CHD5: variants seen among roughly 807,000 people sequenced by gnomAD.
The protein encoded by CHD5 is chromodomain helicase DNA binding protein 5, also known as ATP-dependent chromatin remodeler CHD5.
A neutral mutation model predicts 230.3 loss-of-function variants in CHD5; 69 were observed. The observed-to-expected ratio is 0.30, with a 90% CI of 0.25 to 0.37. The LOEUF is 0.37. Among genes scored for constraint, CHD5 ranks in the 10% least tolerant of loss-of-function variants. The pLI is 1.00. For synonymous variants in CHD5, 1,064 were observed against 1,065.9 expected (o/e 1.00, Z 0.03); for missense variants, 1,827 against 2,622.8 (o/e 0.70, Z 6.63).
intron 33 of CHD5, among the ~76,000 whole-genome samples, chr1:6,119,352 C>T (rs1666428687): frequency 6.6e-6 from 1 of 152,152 alleles, no homozygotes; most frequent in African/African-American, 2.4e-5. Context: ...CCCACCTCGG[C>T]CTCCCAAAGT....
At chr1:6,106,192 A>T in intron 41 of CHD5, 42 bp downstream of exon 41, 2 of 1,569,040 alleles carry the variant, frequency 1.3e-6, no homozygotes, top group Middle Eastern at 1.7e-4. Flanking sequence ...GTTTGCCAGC[A>T]ATGGGGTGGC....
chr1:6,146,656 G>A lies in CHD5; in HGVS notation c.1590+9C>T, dbSNP rs1353365947. On this transcript the variant is annotated intron_variant, in intron 10 of 41. Transcript: ENST00000262450. This position sits in a 1 kb window ranked among gnomAD's most constrained non-coding sequence, Gnocchi z 5.1. ...GGGCCTTAGCACAGCCACCCTCCCG[G>A]GCACTCACCTGTAGCTCCTTCACCC... 6.2e-7 allele frequency: 1 copy of A among 1,613,640 alleles called. No individual in the cohort carries two copies. The highest frequency in any genetic ancestry group is 1.1e-5 in the South Asian group (1 of 91,062).
At chr1:6,120,731 C>T (rs976233674) in intron 33 of CHD5, among the ~76,000 whole-genome samples, 1 of 151,948 alleles carries the variant, frequency 6.6e-6, no homozygotes, top group Non-Finnish European at 1.5e-5. Flanking sequence ...GATGAAATCT[C>T]GTCTCTACTA....
In CHD5 at chr1:6,159,459, A is replaced by G. The variant is rs1402311651; in HGVS notation, c.264T>C (p.Ser88=). 6.3e-7 allele frequency: 1 copy of G among 1,592,582 alleles called. No individual in the cohort carries two copies. Among genetic ancestry groups the G allele is most frequent in the East Asian group, 2.3e-5 (1 of 44,342 alleles). ...NEEDLEEKSE[S]EGSDYSPNKK... ...TATTCGGGGAGTAGTCACTGCCTTC[A>G]CTCTCCGACTTCTCTTCCAGATCCT... Residue 88 remains serine, a synonymous_variant, in exon 3 of 42, where the codon AGT becomes AGC. Transcript: ENST00000262450.
intron 38 of CHD5, among the ~76,000 whole-genome samples, chr1:6,109,185 A>G (rs1666244927): frequency 6.6e-6 from 1 of 152,022 alleles, no homozygotes; most frequent in African/African-American, 2.4e-5. Flanking sequence ...CTTCCCTCCT[A>G]AGAGTTCTCA....
At chr1:6,166,939 G>A (rs1293397092) in intron 2 of CHD5, among the ~76,000 whole-genome samples, 3 of 152,130 alleles carry the variant, frequency 2.0e-5, no homozygotes, top group Admixed American at 6.5e-5. Flanking sequence ...CTCACAGCAC[G>A]GAGTGTCTCC....
rs1666676107 is a variant in CHD5, at chr1:6,132,638, C to G, written c.3145-890G>C. 2.0e-5 allele frequency among the ~76,000 whole-genome samples: 3 copies of G among 152,182 alleles called. 1 individual carries two copies. The highest frequency in any genetic ancestry group is 2.0e-4 in the Admixed American group (3 of 15,272). The stretch of plus-strand genomic sequence containing the variant: ...TATCTTTGTCTCTGTACATTGCATT[C>G]TGGGAAAATGCCTCAGCACCAGGTT... On this transcript the variant is annotated intron_variant, in intron 20 of 41. Transcript: ENST00000262450.
intron 3 of CHD5, among the ~76,000 whole-genome samples, chr1:6,156,101 G>T (rs1187693819): frequency 1.3e-5 from 2 of 152,236 alleles, no homozygotes; most frequent in African/African-American, 4.8e-5. Flanking sequence ...CGGGACACCA[G>T]GGCAGGACAA....
chr1:6,153,675 CA>C (rs1667039356), intron 5 of CHD5, among the ~76,000 whole-genome samples: 1 of 152,100 alleles, frequency 6.6e-6, no homozygotes, highest in African/African-American at 2.4e-5. Context: ...ACTAAAAATA[CA>C]AAAAATTAGC....
chr1:6,151,087 G>A lies in CHD5; in HGVS notation c.939C>T (p.Ser313=), dbSNP rs112932753. The A allele has an allele frequency of 1.2e-4, 196 of 1,608,936 alleles. No individual in the cohort carries two copies. Among genetic ancestry groups the A allele is most frequent in the East Asian group, 6.0e-4 (27 of 44,634 alleles). The part of the protein sequence containing the change: ...SASIHSASVR[S]ECSAALGKKS... The stretch of plus-strand genomic sequence containing the variant: ...TCTTGCCCAGGGCTGCAGAGCATTC[G>A]GAGCGCACGGAGGCACTGTGGATGC... Residue 313 remains serine (S), a synonymous_variant, in exon 7 of 42, where the codon TCC becomes TCT. Coordinates refer to ENST00000262450, the MANE Select transcript of CHD5 (RefSeq NM_015557.3).
Position 6,159,228 on chromosome 1 carries a change from C to T in CHD5, c.387+108G>A, listed in dbSNP as rs71568643. On this transcript the variant is annotated intron_variant, in intron 3 of 41. Coordinates refer to ENST00000262450, the MANE Select transcript of CHD5 (RefSeq NM_015557.3). ...GCCTGGCAACAGAGTGAGACTCCAT[C>T]ACACACACACACACACACACACACA... The T allele has an allele frequency of 4.4e-3, 267 of 61,250 alleles. No homozygotes were observed. The South Asian group carries it at 0.14, about 32-fold the overall frequency. 3.8% of individuals were successfully genotyped at this position (61,250 alleles called of 1,614,324 possible). A position where few individuals can be genotyped will look rare whatever the true frequency, so the allele number is the denominator to read the frequency against.
rs1001051054 is a variant in CHD5 at position 6,104,797 on chromosome 1, C to T, written c.*677G>A. On this transcript the variant is annotated 3_prime_UTR_variant, in exon 42 of 42. Transcript: ENST00000262450. The stretch of plus-strand genomic sequence containing the variant: ...AAGGAGAGAGCAAACACCTGGCGGC[C>T]TCCAGCCTTGGCAGGAAGGAGGGGA... 1.3e-5 allele frequency: 2 copies of T among 153,046 alleles called. No individual in the cohort carries two copies. Among genetic ancestry groups the T allele is most frequent in the African/African-American group, 4.8e-5 (2 of 41,462 alleles). 9.5% of individuals were successfully genotyped at this position (153,046 alleles called of 1,614,324 possible).
chr1:6,126,563 G>A lies in CHD5; in HGVS notation c.4078+9C>T, dbSNP rs778972508. 3.7e-5 allele frequency: 60 copies of A among 1,611,976 alleles called. No homozygotes were observed. The highest frequency in any genetic ancestry group is 4.5e-5 in the Non-Finnish European group (53 of 1,179,948). ...TGAGGGGCACCAGTCCCTCCCTCCC[G>A]GCACGCACCCTGGTCCTCCTGGGAG... On this transcript the variant is annotated intron_variant, in intron 26 of 41. Coordinates refer to ENST00000262450, the MANE Select transcript of CHD5 (RefSeq NM_015557.3). This position sits in a 1 kb window ranked among gnomAD's most constrained non-coding sequence, Gnocchi z 5.7.
Position 6,134,882 on chromosome 1 carries a change from G to C in CHD5, c.2871-23C>G. The C allele has an allele frequency of 1.8e-5, 29 of 1,613,862 alleles. No individual in the cohort carries two copies. Among genetic ancestry groups the C allele is most frequent in the Non-Finnish European group, 2.5e-5 (29 of 1,179,882 alleles). On this transcript the variant is annotated intron_variant, in intron 18 of 41. Transcript: ENST00000262450. This position sits in a 1 kb window ranked among gnomAD's most constrained non-coding sequence, Gnocchi z 6.3. ...TTCCTGCAGCAGGGCACGAGGAAAG[G>C]CAGGCTGGGTCAGACCCGCCTCCAT... is the stretch of plus-strand genomic sequence containing the variant.
Position 6,151,032 on chromosome 1 carries a change from T to G in CHD5, c.994A>C (p.Ile332Leu). 1.3e-6 allele frequency: 2 copies of G among 1,560,720 alleles called. No homozygotes were observed. The highest frequency in any genetic ancestry group is 2.4e-5 in the East Asian group (1 of 42,508). Residue 332 changes from isoleucine to leucine, a missense_variant and splice_region_variant, in exon 7 of 42, where the codon ATT (isoleucine) becomes CTT (leucine). Ile to Leu is a conservative substitution (Grantham distance 5). Transcript: ENST00000262450. The stretch of plus-strand genomic sequence containing the variant: ...GAACTCTCTGGAAGGGGAGTCATAC[T>G]CCTCTTCTTCTTGCGCCTCCTCTTG... ...KSKRRRKKKR[I>L]DDGDGYETDH...
chr1:6,168,144 C>A lies in CHD5; in HGVS notation c.207+6G>T. On this transcript the variant is annotated splice_donor_region_variant and intron_variant, in intron 2 of 41. Transcript: ENST00000262450. ...CAAGCTCGCCGGCGCAGGTGCTGCC[C>A]CTCACCTCTTTCTTCTTCCGCTTCC... The A allele has an allele frequency of 1.9e-6, 3 of 1,600,818 alleles. No homozygotes were observed. Among genetic ancestry groups the A allele is most frequent in the Non-Finnish European group, 2.6e-6 (3 of 1,170,364 alleles).
chr1:6,146,800 C>G lies in CHD5; in HGVS notation c.1455G>C (p.Met485Ile). The change falls in exon 10 of 42, where the codon ATG (methionine) becomes ATC (isoleucine). Residue 485 changes from methionine to isoleucine, a missense_variant. Coordinates refer to ENST00000262450, the MANE Select transcript of CHD5 (RefSeq NM_015557.3). The surrounding 1 kb of genome is among the most constrained non-coding windows in gnomAD (Gnocchi z 5.1). ...CCACGTCAGGCCCCGGCAGCCCCAC[C>G]ATGAAGGGGGCAGGGGGCTCCGTCC... ...WRWTEPPAPF[M>I]VGLPGPDVEP... is the part of the protein sequence containing the mutation. 1 of 1,591,990 alleles carries G rather than the reference C, an allele frequency of 6.3e-7. No individual in the cohort carries two copies. Among genetic ancestry groups the G allele is most frequent in the South Asian group, 1.1e-5 (1 of 88,090 alleles).
rs565169221 is a variant in CHD5 at position 6,138,328 on chromosome 1, G to A, written c.2437-1463C>T. Reference sequence around the variant, plus strand: ...AAAGGCAGAGGTTGCAGTGAGCCGAGATCACACCATTGCACTCCAGCCTGG... The same window carrying A: ...AAAGGCAGAGGTTGCAGTGAGCCGAAATCACACCATTGCACTCCAGCCTGG... On this transcript the variant is annotated intron_variant, in intron 15 of 41. Transcript: ENST00000262450. 1.4e-3 allele frequency among the ~76,000 whole-genome samples: 215 copies of A among 150,596 alleles called. 2 individuals are homozygous for A. Among genetic ancestry groups the A allele is most frequent in the Admixed American group, 1.0e-2 (151 of 15,104 alleles).
At position 6,111,256 on chromosome 1, in the gene CHD5, G is replaced by A. The variant is rs551414798; in HGVS notation, c.5249+519C>T. ...AAAAAAAAAGAAAAAGAAAAAGGCC[G>A]GGTGTGGTGGCTGACGCCTGTAATC... On this transcript the variant is annotated intron_variant, in intron 36 of 41. Transcript: ENST00000262450. 1.6e-3 allele frequency among the ~76,000 whole-genome samples: 232 copies of A among 147,442 alleles called. 1 individual carries two copies. The highest frequency in any genetic ancestry group is 5.6e-3 in the African/African-American group (224 of 39,778).
Sources: allele counts gnomAD v4.1 joint callset (sites outside exome capture counted in the v4.1 genomes callset), GRCh38; gene constraint gnomAD v4.1.1; non-coding constraint Gnocchi (gnomAD v3.1); transcripts MANE v1.5; gene names NCBI Gene and HGNC (gene_info 2026-07-23, HGNC 2026-07-21).